The following PYGL variants were observed in gnomAD, a reference collection of about 807,000 sequenced individuals.
The protein encoded by PYGL is glycogen phosphorylase, liver form.
Under a neutral mutation model 100.1 loss-of-function variants are expected in PYGL, and 90 were observed. That is an observed-to-expected ratio of 0.90 (90% CI 0.76 to 1.07). The LOEUF (loss-of-function observed/expected upper bound fraction) is 1.07. Ranked by LOEUF, PYGL falls within the 50% of genes least tolerant of loss-of-function variation. The pLI, the probability that PYGL is intolerant of heterozygous loss-of-function variation, is 0.00. For synonymous variants in PYGL, 373 were observed against 393.0 expected (o/e 0.95, Z 0.60); for missense variants, 1,016 against 1,057.6 (o/e 0.96, Z 0.55).
At position 50,935,272 on chromosome 14, in the gene PYGL, G is replaced by A. The variant is rs536929490; in HGVS notation, c.346-87C>T. 2.2e-5 allele frequency: 24 copies of A among 1,092,672 alleles called. No homozygotes were observed. The South Asian group carries it at 2.7e-4, about 12-fold the overall frequency. 67.7% of individuals were successfully genotyped at this position (1,092,672 alleles called of 1,614,324 possible). On this transcript the variant is annotated intron_variant, in intron 2 of 19. Coordinates refer to ENST00000216392, the MANE Select transcript of PYGL (RefSeq NM_002863.5). ...GCCATTTCCTACAGCTCTGGGTAAA[G>A]GTATTCAGGTTTAGCTGTGTACCTA...
At chr14:50,933,522 C>A (rs1015858840) in intron 3 of PYGL, among the ~76,000 whole-genome samples, 14 of 152,096 alleles carry the variant, frequency 9.2e-5, no homozygotes, top group Admixed American at 9.2e-4. Flanking sequence ...CAATCTGATA[C>A]ATGTGTGGTA....
At chr14:50,924,285 T>C (rs934701435) in intron 4 of PYGL, among the ~76,000 whole-genome samples, 185 bp from the exon 5 acceptor site, 3 of 152,204 alleles carry the variant, frequency 2.0e-5, no homozygotes, top group African/African-American at 7.2e-5. Flanking sequence ...TCTAAATATT[T>C]TATATGTATT....
At chr14:50,916,758 T>C in intron 8 of PYGL, 24 bp from the exon 9 acceptor site, 1 of 1,601,704 alleles carries the variant, frequency 6.2e-7, no homozygotes, top group Non-Finnish European at 8.6e-7. Flanking sequence ...GACATCAACA[T>C]GAAGGCAACG....
chr14:50,909,981 A>G lies in PYGL; in HGVS notation c.2091T>C (p.Asn697=), dbSNP rs1400050010. The change falls in exon 17 of 20, where the codon AAT becomes AAC. Residue 697 remains asparagine (N), a synonymous_variant. Transcript: ENST00000216392. ...CCCCAGCTTCTTCTGCCATTTCCAC[A>G]TTGGCCCCATCCATGGTCCCGATAG... ...ALTIGTMDGA[N]VEMAEEAGEE... is the part of the protein sequence containing the mutation. 1 of 1,614,096 alleles carries G rather than the reference A, an allele frequency of 6.2e-7. No homozygotes were observed.
chr14:50,924,508 G>T (rs141584180), intron 4 of PYGL, among the ~76,000 whole-genome samples: 45 of 152,056 alleles, frequency 3.0e-4, no homozygotes, highest in African/African-American at 1.1e-3. Context: ...GTTTATCGTT[G>T]GATACCTGGG....
At chr14:50,936,075 A>G (rs530089715) in intron 2 of PYGL, among the ~76,000 whole-genome samples, 14 of 152,326 alleles carry the variant, frequency 9.2e-5, no homozygotes, top group Admixed American at 2.6e-4. Flanking sequence ...TGGAGATCAC[A>G]TTGGATTGCT....
rs551829994 is a variant in PYGL at position 50,934,402 on chromosome 14, A to C, written c.424+705T>G. Among the ~76,000 whole-genome samples the C allele has an allele frequency of 1.1e-4, 16 of 152,276 alleles. No individual in the cohort carries two copies. The South Asian group carries it at 3.3e-3, about 32-fold the overall frequency. Reference sequence around the variant, plus strand: ...TTAACTTAGGTCATGCCACACAAGGATGTGAATTGAGAAGCTTTGAACAAA... The same window carrying C: ...TTAACTTAGGTCATGCCACACAAGGCTGTGAATTGAGAAGCTTTGAACAAA... On this transcript the variant is annotated intron_variant, in intron 3 of 19. Transcript: ENST00000216392.
At chr14:50,943,693 T>A (rs1440844224) in intron 1 of PYGL, among the ~76,000 whole-genome samples, 1 of 152,238 alleles carries the variant, frequency 6.6e-6, no homozygotes, top group Admixed American at 6.5e-5. Flanking sequence ...GCTCGGCGTT[T>A]GTCTCCCCTC....
chr14:50,935,367 T>G (rs561534458), intron 2 of PYGL, among the ~76,000 whole-genome samples, 182 bp from the exon 3 acceptor site: 1 of 152,324 alleles, frequency 6.6e-6, no homozygotes, highest in South Asian at 2.1e-4. Flanking sequence ...CTGTATGAGA[T>G]GGTGCAGCTG....
At chr14:50,929,316 G>A (rs953550703) in intron 4 of PYGL, among the ~76,000 whole-genome samples, 3 of 152,138 alleles carry the variant, frequency 2.0e-5, no homozygotes, top group Admixed American at 6.5e-5. Flanking sequence ...GCCTCCCAAA[G>A]TGCTGGGATT....
chr14:50,928,656 C>G (rs961946584), intron 4 of PYGL, among the ~76,000 whole-genome samples: 1 of 150,738 alleles, frequency 6.6e-6, no homozygotes, highest in Non-Finnish European at 1.5e-5. Context: ...AGGGGGTGCA[C>G]GATGAACACT....
intron 7 of PYGL, among the ~76,000 whole-genome samples, chr14:50,919,843 G>C (rs1444182857): frequency 6.6e-6 from 1 of 152,040 alleles, no homozygotes; most frequent in East Asian, 1.9e-4. Flanking sequence ...CATCACACCT[G>C]GCTAATTTTT....
intron 1 of PYGL, among the ~76,000 whole-genome samples, chr14:50,939,405 A>G (rs532095620): frequency 5.3e-5 from 8 of 152,314 alleles, no homozygotes; most frequent in East Asian, 1.9e-4. Context: ...GAACAAGAAG[A>G]CTACCTAAGG....
chr14:50,914,637 A>T, intron 12 of PYGL, 64 bp downstream of exon 12: 1 of 1,353,994 alleles, frequency 7.4e-7, no homozygotes, highest in Non-Finnish European at 1.1e-6. Flanking sequence ...ATAAGTTACA[A>T]GTATAGTCAT....
At position 50,911,986 on chromosome 14, in the gene PYGL, CA is replaced by C. The variant is rs760913598; in HGVS notation, c.1818del (p.Ile606MetfsTer14). On this transcript the variant is annotated frameshift_variant, in exon 15 of 20. Transcript: ENST00000216392. LOFTEE classifies it high-confidence loss of function. ...GAATAGATTCAACTTACTTTACCAC[CA>C]ATGATAACTGTCCTTGGCACGAATA... is the stretch of plus-strand genomic sequence containing the variant. The part of the protein sequence containing the change: ...KKLFVPRTVI[I>X]GGKAAPGYHM... 5 of 1,613,796 alleles carry C rather than the reference CA, an allele frequency of 3.1e-6. No homozygotes were observed. The South Asian group carries it at 5.5e-5, about 18-fold the overall frequency.
chr14:50,931,150 C>A (rs2050597673), intron 4 of PYGL, among the ~76,000 whole-genome samples: 1 of 150,872 alleles, frequency 6.6e-6, no homozygotes, highest in African/African-American at 2.5e-5. Flanking sequence ...TTAAAGAAGG[C>A]AAGACTCTGA....
intron 2 of PYGL, among the ~76,000 whole-genome samples, chr14:50,936,790 C>CAA (rs71121613): frequency 7.5e-6 from 1 of 132,602 alleles, no homozygotes; most frequent in Admixed American, 7.3e-5. Context: ...GACTCCGTCT[C>CAA]AAAAAAAAAA....
At chr14:50,934,990 G>C in intron 3 of PYGL, 117 bp downstream of exon 3, 1 of 912,820 alleles carries the variant, frequency 1.1e-6, no homozygotes, top group Non-Finnish European at 1.8e-6. Context: ...CTACAACCAG[G>C]TCATACCTTG....
At chr14:50,912,708 C>A (rs1488357379) in intron 13 of PYGL, among the ~76,000 whole-genome samples, 1 of 152,080 alleles carries the variant, frequency 6.6e-6, no homozygotes, top group African/African-American at 2.4e-5. Flanking sequence ...AATCTCAGCA[C>A]TTTGAGAGGC....
Sources: gnomAD v4.1 joint callset for allele counts (sites outside exome capture counted in the v4.1 genomes callset) on GRCh38, gnomAD v4.1.1 for gene constraint, MANE v1.5 for transcripts, NCBI Gene and HGNC (gene_info 2026-07-23, HGNC 2026-07-21) for gene names.